The following SLC71A2 variants were observed in gnomAD, a reference collection of about 807,000 sequenced individuals.
The protein encoded by SLC71A2 is solute carrier family 71 member 2, also known as hippocampus abundant transcript-like 1.
chr9:94,418,583 G>A, the SLC71A2 span, among the ~76,000 whole-genome samples: 11 of 151,794 alleles, frequency 7.2e-5, no homozygotes, highest in African/African-American at 2.2e-4. Context: ...CTATAGGTGT[G>A]TGCCACCACG....
At chr9:94,399,561 T>G in the SLC71A2 span, among the ~76,000 whole-genome samples, 1 of 152,210 alleles carries the variant, frequency 6.6e-6, no homozygotes, top group African/African-American at 2.4e-5. Flanking sequence ...CCTTCTCTTG[T>G]TTATTTGTAA....
the SLC71A2 span, among the ~76,000 whole-genome samples, chr9:94,418,552 C>G: frequency 3.9e-5 from 6 of 152,036 alleles, no homozygotes; most frequent in Non-Finnish European, 8.8e-5. Context: ...AGGCGATTCT[C>G]AGCCTCCCGA....
At chr9:94,439,931 A>C in the SLC71A2 span, among the ~76,000 whole-genome samples, 1 of 152,228 alleles carries the variant, frequency 6.6e-6, no homozygotes, top group Admixed American at 6.5e-5. Flanking sequence ...TGCTTTTGCT[A>C]ATTGCTTTGA....
At chr9:94,408,549 T>A in the SLC71A2 span, among the ~76,000 whole-genome samples, 1 of 152,056 alleles carries the variant, frequency 6.6e-6, no homozygotes, top group Non-Finnish European at 1.5e-5. Flanking sequence ...ATAGGTCTAT[T>A]TATATTTTCT....
chr9:94,440,217 G>A, the SLC71A2 span, among the ~76,000 whole-genome samples: 4 of 151,524 alleles, frequency 2.6e-5, no homozygotes, highest in African/African-American at 9.7e-5. Context: ...GCAGTGGCGC[G>A]ATCTTGGCTC....
At chr9:94,396,203 G>C in the SLC71A2 span, among the ~76,000 whole-genome samples, 1 of 144,502 alleles carries the variant, frequency 6.9e-6, no homozygotes, top group South Asian at 2.3e-4. Flanking sequence ...TGAACTCTGC[G>C]TTGGGTTCTA....
At chr9:94,409,381 C>G in the SLC71A2 span, among the ~76,000 whole-genome samples, 1 of 133,404 alleles carries the variant, frequency 7.5e-6, no homozygotes, top group South Asian at 2.4e-4. Context: ...AACTTCTTAA[C>G]TCCTGGGTTC....
the SLC71A2 span, chr9:94,459,213 T>G: frequency 6.2e-7 from 1 of 1,614,184 alleles, no homozygotes; most frequent in Non-Finnish European, 8.5e-7. Flanking sequence ...ATAGTCCTTA[T>G]GTCTTTTCTG....
chr9:94,440,061 CCT>C, the SLC71A2 span, among the ~76,000 whole-genome samples: 2 of 152,058 alleles, frequency 1.3e-5, no homozygotes, highest in African/African-American at 4.8e-5. Context: ...GAAAAATATT[CCT>C]ATTGTATCCA....
At chr9:94,424,727 C>CTTTT in the SLC71A2 span, among the ~76,000 whole-genome samples, 23 of 91,824 alleles carry the variant, frequency 2.5e-4, no homozygotes, top group South Asian at 1.2e-3. Context: ...TTGTTTTCTG[C>CTTTT]TTTTTTTTTT....
the SLC71A2 span, among the ~76,000 whole-genome samples, chr9:94,385,956 G>T: frequency 1.3e-5 from 2 of 152,004 alleles, no homozygotes; most frequent in East Asian, 3.9e-4. Context: ...TGGTGTGGTC[G>T]TGGCTCACTG....
chr9:94,453,242 C>T, the SLC71A2 span, among the ~76,000 whole-genome samples: 1 of 150,318 alleles, frequency 6.7e-6, no homozygotes, highest in African/African-American at 2.5e-5. Context: ...CTCTGCCTCT[C>T]GGGTTCAAGT....
chr9:94,408,152 C>G, the SLC71A2 span, among the ~76,000 whole-genome samples: 13 of 152,294 alleles, frequency 8.5e-5, no homozygotes, highest in South Asian at 2.3e-3. Flanking sequence ...GATTTTTCAA[C>G]TTTACCTTGA....
At chr9:94,428,804 C>G in the SLC71A2 span, among the ~76,000 whole-genome samples, 1 of 151,732 alleles carries the variant, frequency 6.6e-6, no homozygotes, top group African/African-American at 2.4e-5. Flanking sequence ...CCTAAAAATC[C>G]CCTGTGCTCT....
the SLC71A2 span, among the ~76,000 whole-genome samples, chr9:94,390,089 C>G: frequency 6.6e-6 from 1 of 152,154 alleles, no homozygotes; most frequent in Non-Finnish European, 1.5e-5. Context: ...TGGCGGGCAC[C>G]TGTAGTCCCA....
the SLC71A2 span, among the ~76,000 whole-genome samples, chr9:94,442,620 G>T: frequency 6.6e-6 from 1 of 152,148 alleles, no homozygotes; most frequent in South Asian, 2.1e-4. Flanking sequence ...AGAGGCTGAG[G>T]TGGGGGCGGA....
the SLC71A2 span, among the ~76,000 whole-genome samples, chr9:94,379,887 A>G: frequency 1.3e-5 from 2 of 152,202 alleles, no homozygotes; most frequent in Non-Finnish European, 2.9e-5. Flanking sequence ...CGTAACAGGA[A>G]TACATTAATT....
At chr9:94,382,045 C>T in the SLC71A2 span, among the ~76,000 whole-genome samples, 342 of 151,772 alleles carry the variant, frequency 2.3e-3, 1 homozygote, top group African/African-American at 6.9e-3. Context: ...TTTCCTCCTC[C>T]GGCAGAGTCT....
At chr9:94,426,186 C>T in the SLC71A2 span, among the ~76,000 whole-genome samples, 2 of 150,396 alleles carry the variant, frequency 1.3e-5, no homozygotes, top group Admixed American at 6.8e-5. Flanking sequence ...TCTGGGGCAC[C>T]GTCCTTTTTG....
Sources: allele counts gnomAD v4.1 joint callset (sites outside exome capture counted in the v4.1 genomes callset), GRCh38; gene constraint gnomAD v4.1.1; transcripts MANE v1.5; gene names NCBI Gene and HGNC (gene_info 2026-07-23, HGNC 2026-07-21).